The following HS6ST2 variants were observed in gnomAD, a reference collection of about 807,000 sequenced individuals.
The protein encoded by HS6ST2 is heparan sulfate 6-O-sulfotransferase 2, also known as heparan-sulfate 6-O-sulfotransferase 2.
In HS6ST2, 17 loss-of-function variants were observed where a neutral mutation model predicts 33.0. That is an observed-to-expected ratio of 0.52 (90% CI 0.35 to 0.77). The LOEUF (loss-of-function observed/expected upper bound fraction) is 0.77. Among genes scored for constraint, HS6ST2 ranks in the 30% least tolerant of loss-of-function variants. The pLI is 0.01. For missense variants in HS6ST2, 519 were observed against 551.7 expected, an observed-to-expected ratio of 0.94 and a Z score of 0.59; for synonymous variants, 248 against 237.1, an observed-to-expected ratio of 1.05 and a Z score of -0.42.
At chrX:132,827,811 T>C (rs2065538495) in intron 2 of HS6ST2, among the ~76,000 whole-genome samples, 1 of 110,933 alleles carries the variant, frequency 9.0e-6, no homozygotes, top group South Asian at 3.9e-4. Context: ...GTGATGTTCC[T>C]AACCTTGATG....
At chrX:132,889,913 A>G (rs1331251692) in intron 2 of HS6ST2, among the ~76,000 whole-genome samples, 1 of 111,898 alleles carries the variant, frequency 8.9e-6, no homozygotes, top group Non-Finnish European at 1.9e-5. Flanking sequence ...AGTCACCAAA[A>G]CAACATGGTA....
At chrX:132,648,378 G>A (rs964638360) in intron 4 of HS6ST2, among the ~76,000 whole-genome samples, 1 of 111,219 alleles carries the variant, frequency 9.0e-6, no homozygotes, top group Non-Finnish European at 1.9e-5. Context: ...ATCTGACCCT[G>A]AATGGACCAC....
chrX:132,654,270 T>C (rs1476164141), intron 4 of HS6ST2, among the ~76,000 whole-genome samples: 1 of 111,540 alleles, frequency 9.0e-6, no homozygotes, highest in Non-Finnish European at 1.9e-5. Flanking sequence ...GATATATACA[T>C]TAAATATAAA....
chrX:132,895,681 G>A (rs980659352), intron 2 of HS6ST2, among the ~76,000 whole-genome samples: 8 of 111,370 alleles, frequency 7.2e-5, no homozygotes, highest in African/African-American at 2.0e-4. Flanking sequence ...GCTCAATGAT[G>A]ATACTGACAT....
chrX:132,769,543 T>C (rs2064877392), intron 2 of HS6ST2, among the ~76,000 whole-genome samples: 1 of 111,965 alleles, frequency 8.9e-6, no homozygotes, highest in South Asian at 3.7e-4. Context: ...AGCCACTAAC[T>C]TTTTTTGCCA....
intron 1 of HS6ST2, among the ~76,000 whole-genome samples, chrX:132,957,925 G>A (rs1351164350): frequency 8.9e-6 from 1 of 112,086 alleles, no homozygotes; most frequent in African/African-American, 3.2e-5. Flanking sequence ...AGTTACCCTG[G>A]GGGAATGAGC....
chrX:132,848,522 G>A (rs1328295075), intron 2 of HS6ST2, among the ~76,000 whole-genome samples: 2 of 112,358 alleles, frequency 1.8e-5, no homozygotes, highest in African/African-American at 3.2e-5. Flanking sequence ...CCTCAGTGGC[G>A]CTCAGCACAC....
Position 132,638,497 on chromosome X carries a change from C to A in HS6ST2, c.1068-9404G>T, listed in dbSNP as rs1353488051. Among the ~76,000 whole-genome samples the A allele has an allele frequency of 3.6e-5, 4 of 112,147 alleles. No individual in the cohort carries two copies. The East Asian group carries it at 1.1e-3, about 32-fold the overall frequency. ...TGTGTTGTTTTTGGCACATTTGTCA[C>A]AAGTTTTATGGCTTAGTAGTCATGC... On this transcript the variant is annotated intron_variant, in intron 4 of 4. Coordinates refer to ENST00000370833, the MANE Select transcript of HS6ST2 (RefSeq NM_001394073.1).
intron 2 of HS6ST2, among the ~76,000 whole-genome samples, chrX:132,830,859 C>G (rs1291700710): frequency 3.6e-5 from 4 of 111,536 alleles, no homozygotes; most frequent in Non-Finnish European, 7.5e-5. Flanking sequence ...AGTTTTTACA[C>G]CCAGTGCAGG....
chrX:132,794,147 G>A (rs1234013305), intron 2 of HS6ST2, among the ~76,000 whole-genome samples: 2 of 111,959 alleles, frequency 1.8e-5, no homozygotes, highest in African/African-American at 6.5e-5. Context: ...TGAGAGACAG[G>A]GTTCATTTAA....
chrX:132,665,125 C>T (rs1276580470), intron 4 of HS6ST2, among the ~76,000 whole-genome samples: 1 of 111,878 alleles, frequency 8.9e-6, no homozygotes, highest in Non-Finnish European at 1.9e-5. Context: ...TTTTTCCTTT[C>T]ATCACCGCTA....
intron 3 of HS6ST2, among the ~76,000 whole-genome samples, chrX:132,685,134 C>T (rs1033121206): frequency 2.7e-5 from 3 of 111,668 alleles, no homozygotes; most frequent in Admixed American, 9.6e-5. Context: ...CAAACAGAGG[C>T]TCCCTCTTAA....
chrX:132,759,601 CATA>C (rs2064786657), intron 2 of HS6ST2, among the ~76,000 whole-genome samples: 1 of 111,114 alleles, frequency 9.0e-6, no homozygotes, highest in South Asian at 3.8e-4. Context: ...AATTTCACAA[CATA>C]ATGAGTGTCA....
intron 4 of HS6ST2, among the ~76,000 whole-genome samples, chrX:132,639,916 TA>T (rs2063589503): frequency 8.9e-6 from 1 of 112,095 alleles, no homozygotes; most frequent in Non-Finnish European, 1.9e-5. Context: ...GATTGATTAG[TA>T]CATCCACATA....
At chrX:132,907,868 G>A (rs1264179107) in intron 2 of HS6ST2, among the ~76,000 whole-genome samples, 2 of 112,026 alleles carry the variant, frequency 1.8e-5, no homozygotes, top group Admixed American at 9.5e-5. Flanking sequence ...GATAGGCAAT[G>A]ACTTCTTAGC....
At chrX:132,658,497 C>A (rs1368973366) in intron 4 of HS6ST2, among the ~76,000 whole-genome samples, 1 of 107,527 alleles carries the variant, frequency 9.3e-6, no homozygotes, top group Non-Finnish European at 1.9e-5. Flanking sequence ...TTTTTTTGGT[C>A]AGGTATGTAA....
chrX:132,703,088 C>T (rs1345649540), intron 3 of HS6ST2, among the ~76,000 whole-genome samples: 1 of 112,121 alleles, frequency 8.9e-6, no homozygotes, highest in Non-Finnish European at 1.9e-5. Context: ...GAAGCACTGG[C>T]CAATGTGCAC....
At chrX:132,672,355 G>A (rs760934823) in intron 3 of HS6ST2, among the ~76,000 whole-genome samples, 3 of 108,339 alleles carry the variant, frequency 2.8e-5, no homozygotes, top group South Asian at 8.1e-4. Flanking sequence ...TTACATAACC[G>A]AAACAGATCT....
chrX:132,765,709 C>T lies in HS6ST2; in HGVS notation c.948-57215G>A, dbSNP rs767719988. On this transcript the variant is annotated intron_variant, in intron 2 of 4. Transcript: ENST00000370833. Reference sequence around the variant, plus strand: ...CAAGCAATCCTCCCGCCTTGGCCTCCCAAAGTGCTGGGATTAGAGGCATGA... The same window carrying T: ...CAAGCAATCCTCCCGCCTTGGCCTCTCAAAGTGCTGGGATTAGAGGCATGA... Among the ~76,000 whole-genome samples, 157 of 111,780 alleles carry T rather than the reference C, an allele frequency of 1.4e-3. 1 individual carries two copies. The highest frequency in any genetic ancestry group is 4.8e-3 in the African/African-American group (149 of 30,811).
Sources: gnomAD v4.1 joint callset for allele counts (sites outside exome capture counted in the v4.1 genomes callset) on GRCh38, gnomAD v4.1.1 for gene constraint, MANE v1.5 for transcripts, NCBI Gene and HGNC (gene_info 2026-07-23, HGNC 2026-07-21) for gene names.